Variants in GRM7 observed in about 807,000 individuals in gnomAD.
The protein encoded by GRM7 is glutamate metabotropic receptor 7.
GRM7 carries 35 observed loss-of-function variants against 84.5 expected under a neutral mutation model. The observed-to-expected ratio is 0.41, with a 90% CI of 0.32 to 0.55. The LOEUF is 0.55. Among genes scored for constraint, GRM7 ranks in the 20% least tolerant of loss-of-function variants. The pLI is 0.19. For missense variants in GRM7, 1,003 were observed against 1,194.6 expected, an observed-to-expected ratio of 0.84 and a Z score of 2.36; for synonymous variants, 487 against 455.1, an observed-to-expected ratio of 1.07 and a Z score of -0.89.
At chr3:7,379,883 C>A (rs541757918) in intron 4 of GRM7, among the ~76,000 whole-genome samples, 7 of 152,256 alleles carry the variant, frequency 4.6e-5, no homozygotes, top group African/African-American at 1.7e-4. Flanking sequence ...TCCTTACCTG[C>A]TTCCTCAGGG....
chr3:7,126,519 A>G (rs1049564105), intron 1 of GRM7, among the ~76,000 whole-genome samples: 2 of 152,138 alleles, frequency 1.3e-5, no homozygotes, highest in Non-Finnish European at 2.9e-5. Context: ...AATGACTGAT[A>G]ATGCTTGGAA....
intron 9 of GRM7, among the ~76,000 whole-genome samples, chr3:7,704,592 G>A (rs916399712): frequency 1.1e-4 from 17 of 152,038 alleles, no homozygotes; most frequent in African/African-American, 2.7e-4. Flanking sequence ...TTAAAATAAC[G>A]ATATTTTAAT....
chr3:7,581,585 T>G (rs1163949553), intron 8 of GRM7, among the ~76,000 whole-genome samples: 1 of 152,138 alleles, frequency 6.6e-6, no homozygotes, highest in Non-Finnish European at 1.5e-5. Flanking sequence ...TTATCAAATG[T>G]AACAAAGAGA....
chr3:7,358,587 C>G (rs1470740448), intron 4 of GRM7, among the ~76,000 whole-genome samples: 1 of 148,248 alleles, frequency 6.7e-6, no homozygotes, highest in African/African-American at 2.6e-5. Context: ...TGAGAAGTCC[C>G]GAAATAAGTG....
intron 4 of GRM7, among the ~76,000 whole-genome samples, chr3:7,396,530 A>G (rs568504005): frequency 6.6e-6 from 1 of 152,216 alleles, no homozygotes; most frequent in Admixed American, 6.5e-5. Flanking sequence ...CATGTTTTAT[A>G]TTTTTATTGC....
At chr3:6,997,137 G>C (rs1389651789) in intron 1 of GRM7, among the ~76,000 whole-genome samples, 1 of 151,698 alleles carries the variant, frequency 6.6e-6, no homozygotes, top group Non-Finnish European at 1.5e-5. Context: ...TAGCTCATTT[G>C]GCCTCTTATT....
chr3:7,421,017 A>C (rs751718794), intron 5 of GRM7, among the ~76,000 whole-genome samples: 13 of 152,162 alleles, frequency 8.5e-5, no homozygotes, highest in Non-Finnish European at 1.6e-4. Context: ...ATGCCCATAA[A>C]AGGTAATTAT....
chr3:7,378,263 A>G (rs1470925119), intron 4 of GRM7, among the ~76,000 whole-genome samples: 2 of 152,190 alleles, frequency 1.3e-5, no homozygotes, highest in Non-Finnish European at 2.9e-5. Context: ...TGATTTTGGT[A>G]CCACATGAGG....
At chr3:7,666,836 G>A (rs746714967) in intron 8 of GRM7, among the ~76,000 whole-genome samples, 3 of 151,952 alleles carry the variant, frequency 2.0e-5, no homozygotes, top group Admixed American at 1.3e-4. Flanking sequence ...AACCTGATAC[G>A]AAGTATAAAA....
At chr3:7,171,594 C>A (rs1694986008) in intron 2 of GRM7, among the ~76,000 whole-genome samples, 1 of 152,094 alleles carries the variant, frequency 6.6e-6, no homozygotes, top group Non-Finnish European at 1.5e-5. Context: ...GGGTGGATAT[C>A]TACCTCCTCC....
Position 7,016,119 on chromosome 3 carries a change from G to GAA in GRM7, c.520-130332_520-130331insAA, listed in dbSNP as rs199855149. On this transcript the variant is annotated intron_variant, in intron 1 of 9. Transcript: ENST00000357716. ...GAATACGCAGTTTATTAAGGGCTTT[G>GAA]ATCTATCTGGGCTAAAATCCCAGCT... Among the ~76,000 whole-genome samples, 13 of 2,130 alleles carry GAA rather than the reference G, an allele frequency of 6.1e-3. No individual in the cohort carries two copies. The South Asian group carries it at 0.083, about 14-fold the overall frequency. 1.4% of individuals were successfully genotyped at this position (2,130 alleles called of 152,430 possible).
chr3:7,596,064 T>C (rs1052768854), intron 8 of GRM7, among the ~76,000 whole-genome samples: 3 of 152,142 alleles, frequency 2.0e-5, no homozygotes, highest in African/African-American at 7.2e-5. Context: ...CAAAAGACCA[T>C]GGTAGCCTGG....
At chr3:7,065,102 T>C (rs1465556357) in intron 1 of GRM7, among the ~76,000 whole-genome samples, 1 of 152,032 alleles carries the variant, frequency 6.6e-6, no homozygotes, top group Non-Finnish European at 1.5e-5. Flanking sequence ...CTTTGTCAGA[T>C]GTACAGATTG....
intron 7 of GRM7, among the ~76,000 whole-genome samples, chr3:7,529,120 C>T (rs900302561): frequency 6.6e-6 from 1 of 152,004 alleles, no homozygotes; most frequent in African/African-American, 2.4e-5. Context: ...AGTCTGGAAA[C>T]TGAATATTTT....
chr3:7,363,696 C>G (rs892393719), intron 4 of GRM7, among the ~76,000 whole-genome samples: 2 of 152,026 alleles, frequency 1.3e-5, no homozygotes, highest in African/African-American at 4.8e-5. Flanking sequence ...ATATGAGCAC[C>G]TTCACCAATA....
intron 8 of GRM7, among the ~76,000 whole-genome samples, chr3:7,645,316 A>G (rs1043077551): frequency 1.3e-5 from 2 of 152,018 alleles, no homozygotes; most frequent in Admixed American, 1.3e-4. Context: ...TGGGAGGCCA[A>G]GGCGGGCAGA....
At chr3:7,693,686 G>A (rs766029818) in intron 9 of GRM7, 23 of 1,521,474 alleles carry the variant, frequency 1.5e-5, no homozygotes, top group Non-Finnish European at 1.9e-5. Context: ...TCAAGCGATT[G>A]TCTGAGGCAA....
At chr3:7,053,430 A>T (rs905901428) in intron 1 of GRM7, among the ~76,000 whole-genome samples, 1 of 151,588 alleles carries the variant, frequency 6.6e-6, no homozygotes, top group African/African-American at 2.4e-5. Context: ...TCTGTCTTTT[A>T]TTCTTTTGTG....
At chr3:6,888,821 G>A (rs1388226600) in intron 1 of GRM7, among the ~76,000 whole-genome samples, 1 of 152,096 alleles carries the variant, frequency 6.6e-6, no homozygotes, top group East Asian at 1.9e-4. Context: ...ATTACCTTGG[G>A]CAGTACGGCC....
Sources: gnomAD v4.1 joint callset for allele counts (sites outside exome capture counted in the v4.1 genomes callset) on GRCh38, gnomAD v4.1.1 for gene constraint, MANE v1.5 for transcripts, NCBI Gene and HGNC (gene_info 2026-07-23, HGNC 2026-07-21) for gene names.